CEACAM21: variants seen among roughly 807,000 people sequenced by gnomAD.
The protein encoded by CEACAM21 is CEA cell adhesion molecule 21.
A neutral mutation model predicts 33.2 loss-of-function variants in CEACAM21; 38 were observed. That is an observed-to-expected ratio of 1.14 (90% CI 0.88 to 1.50). The LOEUF (loss-of-function observed/expected upper bound fraction) is 1.50, where lower values mean the gene tolerates loss of function less well. Ranked by LOEUF, CEACAM21 falls within the 40% of genes most tolerant of loss-of-function variation. CEACAM21 has a pLI of 0.00. For synonymous variants in CEACAM21, 156 were observed against 143.0 expected (o/e 1.09, Z -0.65); for missense variants, 385 against 364.6 (o/e 1.06, Z -0.46).
chr19:41,577,340 A>C lies in CEACAM21; in HGVS notation c.205A>C (p.Lys69Gln), dbSNP rs781911443. 2.1e-5 allele frequency: 34 copies of C among 1,613,974 alleles called. No individual in the cohort carries two copies. Among genetic ancestry groups the C allele is most frequent in the Non-Finnish European group, 2.8e-5 (33 of 1,179,998 alleles). Residue 69 changes from lysine (K) to glutamine (Q), a missense_variant, in exon 2 of 7, where the codon AAA becomes CAA. Coordinates refer to ENST00000401445, the MANE Select transcript of CEACAM21 (RefSeq NM_001098506.4). The part of the protein sequence containing the change: ...PENLYSYGWY[K>Q]GKTVEPNQLI... ...GAATCTTTACAGCTATGGCTGGTAC[A>C]AAGGGAAAACGGTGGAGCCCAACCA... is the stretch of plus-strand genomic sequence containing the variant.
At chr19:41,560,279 G>A in intron 1 of CEACAM21, among the ~76,000 whole-genome samples, 1 of 151,954 alleles carries the variant, frequency 6.6e-6, no homozygotes, top group East Asian at 1.9e-4. Context: ...CTGGAGTACA[G>A]TGGCACAATC....
intron 3 of CEACAM21, among the ~76,000 whole-genome samples, chr19:41,581,646 A>G (rs1474433897): frequency 6.6e-6 from 1 of 152,198 alleles, no homozygotes; most frequent in African/African-American, 2.4e-5. Context: ...TCATGGCAGA[A>G]GGCAAAAGGC....
rs201739588 is a variant in CEACAM21, at chr19:41,577,397, G to A, written c.262G>A (p.Val88Ile). 151 of 1,614,034 alleles carry A rather than the reference G, an allele frequency of 9.4e-5. No individual in the cohort carries two copies. In the African/African-American group the frequency reaches 1.2e-3, roughly 13 times the overall value. ...LIAAYVIDTH[V>I]RTPGPAYSGR... ...CGCAGCATATGTAATAGACACTCAC[G>A]TTAGGACTCCAGGGCCTGCATACAG... Residue 88 changes from valine to isoleucine, a missense_variant, in exon 2 of 7, where the codon GTT becomes ATT. Val to Ile is a conservative substitution (Grantham distance 29). Coordinates refer to ENST00000401445, the MANE Select transcript of CEACAM21 (RefSeq NM_001098506.4).
chr19:41,563,849 ACT>A (rs563440656), intron 1 of CEACAM21, among the ~76,000 whole-genome samples: 3 of 152,126 alleles, frequency 2.0e-5, no homozygotes, highest in Non-Finnish European at 4.4e-5. Flanking sequence ...ACAGTGGTGG[ACT>A]CTCTATCCCA....
At position 41,584,381 on chromosome 19, in the gene CEACAM21, C is replaced by G. The variant is rs1555794454; in HGVS notation, c.735C>G (p.Val245=). The change falls in exon 4 of 7, where the codon GTC becomes GTG. Residue 245 remains valine, a synonymous_variant. Transcript: ENST00000401445. ...ACACTCTAGGCATCCTGATCGGGGT[C>G]CTGGTTGGGAGTCTTCTGGTGGCTG... ...DDNTLGILIG[V]LVGSLLVAAL... is the part of the protein sequence containing the mutation. 6.2e-7 allele frequency: 1 copy of G among 1,611,842 alleles called. No individual in the cohort carries two copies. The highest frequency in any genetic ancestry group is 1.7e-5 in the Admixed American group (1 of 59,668).
chr19:41,579,683 A>AG (rs1162284826), intron 3 of CEACAM21, 55 bp downstream of exon 3: 52 of 1,160,448 alleles, frequency 4.5e-5, no homozygotes, highest in African/African-American at 1.2e-4. Flanking sequence ...CCTAGGAGGG[A>AG]GGGGGGGTGT....
Position 41,584,250 on chromosome 19 carries a change from T to C in CEACAM21, c.701-97T>C, listed in dbSNP as rs1388048115. The C allele has an allele frequency of 5.8e-6, 6 of 1,028,312 alleles. No individual in the cohort carries two copies. The East Asian group carries it at 1.3e-4, about 22-fold the overall frequency. The allele number at this position is 1,028,312 out of a possible 1,614,324, so 63.7% of individuals were successfully genotyped here. A position where few individuals can be genotyped will look rare whatever the true frequency, so the allele number is the denominator to read the frequency against. ...CAGACCACACTCAGGCTCCATGGCA[T>C]TTCCTTCCTCCCTGACCATGCCCCT... On this transcript the variant is annotated intron_variant, in intron 3 of 6. Transcript: ENST00000401445.
upstream of CEACAM21, among the ~76,000 whole-genome samples, chr19:41,573,061 A>T (rs1421516833): frequency 6.6e-6 from 1 of 152,150 alleles, no homozygotes; most frequent in Non-Finnish European, 1.5e-5. Context: ...AGGCAATGAG[A>T]GAGAAGGAGA....
intron 1 of CEACAM21, 42 bp downstream of exon 1, chr19:41,576,380 A>G: frequency 6.3e-7 from 1 of 1,589,044 alleles, no homozygotes; most frequent in Non-Finnish European, 8.6e-7. Flanking sequence ...AGGAGGGAGC[A>G]CAGAGACTGG....
At chr19:41,566,849 T>G (rs1219948377) in intron 2 of CEACAM21, among the ~76,000 whole-genome samples, 1 of 152,214 alleles carries the variant, frequency 6.6e-6, no homozygotes, top group African/African-American at 2.4e-5. Flanking sequence ...ATTGCTCTAT[T>G]CATAATATCC....
At chr19:41,583,644 G>T (rs2070480474) in intron 3 of CEACAM21, among the ~76,000 whole-genome samples, 2 of 152,210 alleles carry the variant, frequency 1.3e-5, no homozygotes, top group African/African-American at 4.8e-5. Context: ...AAGAGGACAT[G>T]TGTAGGGAAG....
chr19:41,562,476 C>T (rs2041951115), intron 1 of CEACAM21, among the ~76,000 whole-genome samples: 1 of 151,940 alleles, frequency 6.6e-6, no homozygotes, highest in South Asian at 2.1e-4. Context: ...TGTCTGCATA[C>T]AACAGGAAAT....
intron 4 of CEACAM21, among the ~76,000 whole-genome samples, chr19:41,584,731 G>A (rs2070592658): frequency 1.3e-5 from 2 of 152,178 alleles, no homozygotes; most frequent in South Asian, 2.1e-4. Flanking sequence ...GGGGAGCGGT[G>A]CTCAATACCT....
intron 1 of CEACAM21, among the ~76,000 whole-genome samples, chr19:41,553,152 T>G (rs1180262468): frequency 6.6e-6 from 1 of 152,064 alleles, no homozygotes; most frequent in Non-Finnish European, 1.5e-5. Context: ...AGATGGAGTC[T>G]TGCTCTGTCA....
At chr19:41,549,941 A>G (rs1324015695) in intron 1 of CEACAM21, among the ~76,000 whole-genome samples, 25 of 152,282 alleles carry the variant, frequency 1.6e-4, no homozygotes, top group Admixed American at 1.2e-3. Context: ...TCCTTTATAC[A>G]GTCCATTGTC....
At chr19:41,561,035 A>G (rs1398718078) in intron 1 of CEACAM21, among the ~76,000 whole-genome samples, 4 of 152,252 alleles carry the variant, frequency 2.6e-5, no homozygotes, top group African/African-American at 9.6e-5. Flanking sequence ...TACAGATGAC[A>G]TTATTGTCTA....
chr19:41,585,371 TG>T (rs1418466096), intron 4 of CEACAM21, 71 bp from the exon 5 acceptor site: 3 of 1,506,766 alleles, frequency 2.0e-6, no homozygotes, highest in Non-Finnish European at 2.8e-6. Context: ...GCTCCTTTCC[TG>T]GTCCCCTATT....
At chr19:41,585,652 C>T (rs1454471948) in intron 5 of CEACAM21, among the ~76,000 whole-genome samples, 157 bp downstream of exon 5, 1 of 152,132 alleles carries the variant, frequency 6.6e-6, no homozygotes, top group Non-Finnish European at 1.5e-5. Context: ...CTGGCCGGGT[C>T]AGCCCTAACC....
In CEACAM21 at chr19:41,576,244, A is replaced by G. The variant is rs1555790954; in HGVS notation, c.-31A>G. 1 of 1,612,620 alleles carries G rather than the reference A, an allele frequency of 6.2e-7. No individual in the cohort carries two copies. Among genetic ancestry groups the G allele is most frequent in the Non-Finnish European group, 8.5e-7 (1 of 1,178,720 alleles). On this transcript the variant is annotated 5_prime_UTR_variant, in exon 1 of 7. Transcript: ENST00000401445. ...GTTCCTGGAGCCCAAGCTCCTCTCC[A>G]CAGAGGAGGACAGAGCAGGCAGCAG...
Sources: allele counts gnomAD v4.1 joint callset (sites outside exome capture counted in the v4.1 genomes callset), GRCh38; gene constraint gnomAD v4.1.1; transcripts MANE v1.5; gene names NCBI Gene and HGNC (gene_info 2026-07-23, HGNC 2026-07-21).